Variants in RDH10 observed in about 807,000 individuals in gnomAD.
The protein encoded by RDH10 is retinol dehydrogenase 10, also known as retinol dehydrogenase 10 (all-trans).
RDH10 carries 12 observed loss-of-function variants against 30.2 expected under a neutral mutation model. The ratio of observed to expected loss-of-function variants is 0.40; its 90% CI spans 0.25 to 0.64. The LOEUF (loss-of-function observed/expected upper bound fraction) is 0.64. RDH10 is among the 30% of genes least tolerant of loss of function. The pLI is 0.43. For missense variants in RDH10, 268 were observed against 445.2 expected, an observed-to-expected ratio of 0.60 and a Z score of 3.58; for synonymous variants, 189 against 172.2, an observed-to-expected ratio of 1.10 and a Z score of -0.76.
At position 73,307,896 on chromosome 8, in the gene RDH10, T is replaced by G. The variant is rs114795593; in HGVS notation, c.525+10467T>G. Among the ~76,000 whole-genome samples the G allele has an allele frequency of 3.0e-3, 460 of 152,346 alleles. 3 individuals are homozygous for G. The highest frequency in any genetic ancestry group is 0.01 in the African/African-American group (436 of 41,584). ...ATCCCCAGGAAGCTTGCTCTGTAGA[T>G]TAGACAAGCATGTAAAATTCAAGCC... is the stretch of plus-strand genomic sequence containing the variant. On this transcript the variant is annotated intron_variant, in intron 2 of 5. Coordinates refer to ENST00000240285, the MANE Select transcript of RDH10 (RefSeq NM_172037.5).
rs1052870195 is a variant in RDH10, at chr8:73,325,279, T to A, written c.*2243T>A. 2.6e-5 allele frequency: 4 copies of A among 152,242 alleles called. No individual in the cohort carries two copies. Among genetic ancestry groups the A allele is most frequent in the African/African-American group, 9.6e-5 (4 of 41,456 alleles). The allele number at this position is 152,242 out of a possible 1,614,324, so 9.4% of individuals were successfully genotyped here. On this transcript the variant is annotated 3_prime_UTR_variant, in exon 6 of 6. Coordinates refer to ENST00000240285, the MANE Select transcript of RDH10 (RefSeq NM_172037.5). ...TCCAAGTTCAATAAACTAATTCATT[T>A]AACTTTTTTGTAGAAGTCTTTCATT...
intron 2 of RDH10, among the ~76,000 whole-genome samples, chr8:73,299,080 C>T (rs1005067714): frequency 6.6e-6 from 1 of 152,188 alleles, no homozygotes; most frequent in African/African-American, 2.4e-5. Context: ...TCCCAAAGTG[C>T]TAGGGTTACA....
intron 2 of RDH10, among the ~76,000 whole-genome samples, chr8:73,316,836 G>T (rs1297918371): frequency 6.6e-6 from 1 of 152,092 alleles, no homozygotes; most frequent in Non-Finnish European, 1.5e-5. Context: ...GGCTGCACAC[G>T]TTTAAACAAC....
rs1235661746 is a variant in RDH10 at position 73,320,859 on chromosome 8, C to CA, written c.625-72dup. ...AGACATCTAAACATGGTAATAGGAC[C>CA]AGGGAAGCTTTAGTTTGGTTGGAGA... On this transcript the variant is annotated intron_variant, in intron 3 of 5. Coordinates refer to ENST00000240285, the MANE Select transcript of RDH10 (RefSeq NM_172037.5). The CA allele has an allele frequency of 1.3e-5, 19 of 1,451,912 alleles. 1 individual carries two copies. In the Admixed American group the frequency reaches 2.3e-4, roughly 18 times the overall value. 89.9% of individuals were successfully genotyped at this position (1,451,912 alleles called of 1,614,324 possible).
rs772523491 is a variant in RDH10 at position 73,314,610 on chromosome 8, G to A, written c.526-4486G>A. ...TCCTACCCCAAGCCTGCCTTTGCCC[G>A]ACACAGAGCAGAGCTGAGTAAATGT... On this transcript the variant is annotated intron_variant, in intron 2 of 5. Transcript: ENST00000240285. Among the ~76,000 whole-genome samples, 8 of 152,266 alleles carry A rather than the reference G, an allele frequency of 5.3e-5. No individual in the cohort carries two copies. The East Asian group carries it at 1.2e-3, about 22-fold the overall frequency.
In RDH10 at chr8:73,294,648, A is replaced by G. The variant is rs1390901288; in HGVS notation, c.-642A>G. ...GACTTGCAAGCGGGCTGCGCTGCGGAGCCCAGTGCCCGAGTGACACCCGCG... is the reference window on the plus strand; with the variant it reads ...GACTTGCAAGCGGGCTGCGCTGCGGGGCCCAGTGCCCGAGTGACACCCGCG... On this transcript the variant is annotated 5_prime_UTR_variant, in exon 1 of 6. Transcript: ENST00000240285. 8.8e-6 allele frequency: 3 copies of G among 341,264 alleles called. No homozygotes were observed. Among genetic ancestry groups the G allele is most frequent in the East Asian group, 4.4e-5 (1 of 22,908 alleles). 21.1% of individuals were successfully genotyped at this position (341,264 alleles called of 1,614,324 possible). A position where few individuals can be genotyped will look rare whatever the true frequency, so the allele number is the denominator to read the frequency against.
chr8:73,297,321 C>T lies in RDH10; in HGVS notation c.417C>T (p.Val139=). The T allele has an allele frequency of 6.2e-7, 1 of 1,614,050 alleles. No individual in the cohort carries two copies. Among genetic ancestry groups the T allele is most frequent in the East Asian group, 2.2e-5 (1 of 44,904 alleles). Residue 139 remains valine, a synonymous_variant, in exon 2 of 6, where the codon GTC becomes GTT. Transcript: ENST00000240285. The part of the protein sequence containing the change: ...AERVRKEVGE[V]SVLVNNAGVV... ...GAGTCCGCAAGGAGGTTGGCGAAGT[C>T]TCAGTCCTGGTCAATAATGCTGGTG... is the stretch of plus-strand genomic sequence containing the variant.
chr8:73,316,514 A>T (rs573498128), intron 2 of RDH10, among the ~76,000 whole-genome samples: 7 of 152,192 alleles, frequency 4.6e-5, no homozygotes, highest in Non-Finnish European at 8.8e-5. Flanking sequence ...TGTTTTTACT[A>T]CTACAAAGAA....
At chr8:73,313,325 G>A (rs542050343) in intron 2 of RDH10, 1 of 152,316 alleles carries the variant, frequency 6.6e-6, no homozygotes, top group East Asian at 1.9e-4. Flanking sequence ...AGAAGTTCTT[G>A]CTTATATTAC....
At chr8:73,304,686 T>A (rs181417821) in intron 2 of RDH10, among the ~76,000 whole-genome samples, 2 of 152,308 alleles carry the variant, frequency 1.3e-5, no homozygotes, top group Non-Finnish European at 1.5e-5. Context: ...CACACACTTA[T>A]GCTTCACACA....
At chr8:73,302,592 G>A (rs1814398592) in intron 2 of RDH10, among the ~76,000 whole-genome samples, 1 of 152,224 alleles carries the variant, frequency 6.6e-6, no homozygotes, top group Non-Finnish European at 1.5e-5. Flanking sequence ...GGCTGAGGCA[G>A]GAGGCTGGCT....
At chr8:73,316,669 A>C (rs1023919708) in intron 2 of RDH10, among the ~76,000 whole-genome samples, 2 of 152,350 alleles carry the variant, frequency 1.3e-5, no homozygotes, top group East Asian at 1.9e-4. Flanking sequence ...TACAAAGAAA[A>C]GAAGTCTAAT....
chr8:73,303,314 C>T (rs1814411260), intron 2 of RDH10, among the ~76,000 whole-genome samples: 4 of 152,314 alleles, frequency 2.6e-5, no homozygotes, highest in East Asian at 1.9e-4. Flanking sequence ...TTTTTAATCT[C>T]ACATACTGCA....
chr8:73,317,658 C>CG (rs1814696655), intron 2 of RDH10, among the ~76,000 whole-genome samples: 1 of 152,170 alleles, frequency 6.6e-6, no homozygotes, highest in Admixed American at 6.5e-5. Flanking sequence ...CAGTGGCTCA[C>CG]GCCTGTAATC....
At chr8:73,311,807 C>G (rs1014653720) in intron 2 of RDH10, 3 of 152,172 alleles carry the variant, frequency 2.0e-5, no homozygotes, top group Non-Finnish European at 4.4e-5. Context: ...TCTTGGGGCT[C>G]TATTGCACAA....
At chr8:73,317,832 A>T (rs1318968421) in intron 2 of RDH10, among the ~76,000 whole-genome samples, 1 of 151,904 alleles carries the variant, frequency 6.6e-6, no homozygotes, top group Non-Finnish European at 1.5e-5. Context: ...AGGCAGAAGG[A>T]TCACTTGAGC....
chr8:73,294,897 C>T lies in RDH10; in HGVS notation c.-393C>T, dbSNP rs1814224798. On this transcript the variant is annotated 5_prime_UTR_variant, in exon 1 of 6. Coordinates refer to ENST00000240285, the MANE Select transcript of RDH10 (RefSeq NM_172037.5). Reference sequence around the variant, plus strand: ...CCCCCGGGGTGAGAGGGAGCCGGCGCGCCGGTTCCGGGGACGCTCGGGCGG... The same window carrying T: ...CCCCCGGGGTGAGAGGGAGCCGGCGTGCCGGTTCCGGGGACGCTCGGGCGG... 1 of 394,276 alleles carries T rather than the reference C, an allele frequency of 2.5e-6. No homozygotes were observed. Among genetic ancestry groups the T allele is most frequent in the Admixed American group, 4.4e-5 (1 of 22,582 alleles). 24.4% of individuals were successfully genotyped at this position (394,276 alleles called of 1,614,324 possible).
At position 73,302,537 on chromosome 8, in the gene RDH10, T is replaced by C. The variant is rs546122326; in HGVS notation, c.525+5108T>C. 5.1e-4 allele frequency among the ~76,000 whole-genome samples: 78 copies of C among 152,130 alleles called. 2 individuals carry two copies. In the South Asian group the frequency reaches 0.013, roughly 25 times the overall value. ...CCTGTCTCTACCAAAATACAAAAAT[T>C]AGCTGGGCGTGGTGGCACGTGCCTG... On this transcript the variant is annotated intron_variant, in intron 2 of 5. Transcript: ENST00000240285.
At chr8:73,298,317 C>T (rs116404041) in intron 2 of RDH10, among the ~76,000 whole-genome samples, 1 of 151,922 alleles carries the variant, frequency 6.6e-6, no homozygotes, top group Non-Finnish European at 1.5e-5. Flanking sequence ...TTTCCATAGG[C>T]GGATTAGCCT....
Sources: gnomAD v4.1 joint callset for allele counts (sites outside exome capture counted in the v4.1 genomes callset) on GRCh38, gnomAD v4.1.1 for gene constraint, MANE v1.5 for transcripts, NCBI Gene and HGNC (gene_info 2026-07-23, HGNC 2026-07-21) for gene names.